Variants in NRG4 observed in about 807,000 individuals in gnomAD.
The protein encoded by NRG4 is neuregulin 4.
A neutral mutation model predicts 15.0 loss-of-function variants in NRG4; 10 were observed. The ratio of observed to expected loss-of-function variants is 0.67; its 90% confidence interval spans 0.41 to 1.13. The LOEUF (loss-of-function observed/expected upper bound fraction) is 1.13, where lower values mean the gene tolerates loss of function less well. Ranked by LOEUF, NRG4 falls within the 50% of genes most tolerant of loss-of-function variation. The pLI, the probability that NRG4 is intolerant of heterozygous loss-of-function variation, is 0.00. For synonymous variants in NRG4, 41 were observed against 50.1 expected (o/e 0.82, Z 0.77); for missense variants, 139 against 140.2 (o/e 0.99, Z 0.04).
At chr15:76,016,661 T>C (rs982587911), upstream of NRG4, among the ~76,000 whole-genome samples, 1 of 152,222 alleles carries the variant, frequency 6.6e-6, no homozygotes, top group African/African-American at 2.4e-5. Context: ...GTGAGTTTCT[T>C]AATCCTGAGT....
intron 5 of NRG4, among the ~76,000 whole-genome samples, chr15:75,951,852 C>T (rs371020381): frequency 2.0e-5 from 3 of 152,176 alleles, no homozygotes; most frequent in Non-Finnish European, 2.9e-5. Context: ...TTAAATAATA[C>T]GAGAAAGATC....
At chr15:76,037,137 G>A (rs911240978) in intron 4 of NRG4, among the ~76,000 whole-genome samples, 2 of 152,148 alleles carry the variant, frequency 1.3e-5, no homozygotes, top group Non-Finnish European at 2.9e-5. Context: ...CTCGAGGGAT[G>A]GAGCAAGATG....
chr15:75,947,217 T>C (rs1461567224), intron 5 of NRG4, among the ~76,000 whole-genome samples: 1 of 152,144 alleles, frequency 6.6e-6, no homozygotes, highest in African/African-American at 2.4e-5. Context: ...AAAAAACACT[T>C]CCCTGAGGAG....
chr15:76,006,726 G>T (rs886451210), intron 3 of NRG4, among the ~76,000 whole-genome samples: 9 of 152,142 alleles, frequency 5.9e-5, no homozygotes, highest in Non-Finnish European at 1.2e-4. Flanking sequence ...TTTTACACCT[G>T]GTGTGGGTTG....
intron 4 of NRG4, among the ~76,000 whole-genome samples, chr15:76,042,889 C>T (rs1400713556): frequency 6.6e-6 from 1 of 152,014 alleles, no homozygotes; most frequent in African/African-American, 2.4e-5. Flanking sequence ...CGGGTTAACA[C>T]TCATGCAAAA....
chr15:76,057,938 T>C (rs2036193379), intron 1 of NRG4, among the ~76,000 whole-genome samples: 1 of 151,984 alleles, frequency 6.6e-6, no homozygotes, highest in Admixed American at 6.6e-5. Context: ...AAAATTTTAT[T>C]AGGATACAAA....
rs571491613 is a variant in NRG4, at chr15:76,058,386, G to T, written c.-328+1269C>A. On this transcript the variant is annotated intron_variant, in intron 1 of 8. Transcript: ENST00000563910. ...AGATTAGAGATGAGTAGGAAATGCT[G>T]AAAGGCGAAGGAGGATCTGAAGAAA... Among the ~76,000 whole-genome samples, 3 of 152,290 alleles carry T rather than the reference G, an allele frequency of 2.0e-5. No homozygotes were observed. In the South Asian group the frequency reaches 6.2e-4, roughly 32 times the overall value.
At chr15:75,979,092 T>C (rs1461556051) in intron 3 of NRG4, among the ~76,000 whole-genome samples, 1 of 152,224 alleles carries the variant, frequency 6.6e-6, no homozygotes. Flanking sequence ...CTCTGTTGGC[T>C]GTTCCTTTGC....
At chr15:76,005,444 G>C (rs1278840104) in intron 3 of NRG4, among the ~76,000 whole-genome samples, 1 of 50 alleles carries the variant, frequency 0.02, no homozygotes, top group Non-Finnish European at 0.056. Flanking sequence ...CAGCACTTTG[G>C]GAAGCCCGAG....
chr15:75,938,094 T>C (rs1243193179), downstream of NRG4: 1 of 152,204 alleles, frequency 6.6e-6, no homozygotes, highest in South Asian at 2.1e-4. Context: ...AAAGTAAGTA[T>C]TGAAGGATTA....
At chr15:75,960,736 G>C (rs1438147032) in intron 4 of NRG4, among the ~76,000 whole-genome samples, 2 of 152,138 alleles carry the variant, frequency 1.3e-5, no homozygotes, top group Non-Finnish European at 1.5e-5. Flanking sequence ...TGATGGATGA[G>C]TGGCAAGGTC....
At chr15:76,003,412 TAAAG>T (rs2034484196) in intron 3 of NRG4, among the ~76,000 whole-genome samples, 1 of 151,708 alleles carries the variant, frequency 6.6e-6, no homozygotes. Context: ...GAAAAAAGAT[TAAAG>T]AAAGTGAACA....
At chr15:76,054,631 TCTCAAACTCCAGAC>T (rs2036110355) in intron 2 of NRG4, among the ~76,000 whole-genome samples, 2 of 152,154 alleles carry the variant, frequency 1.3e-5, no homozygotes, top group East Asian at 3.8e-4. Context: ...GCCAGGCTGG[TCTCAAACTCCAGAC>T]CTCAGGTCAG....
chr15:75,991,383 T>C (rs1023089028), intron 3 of NRG4, among the ~76,000 whole-genome samples: 2 of 152,184 alleles, frequency 1.3e-5, no homozygotes, highest in Non-Finnish European at 2.9e-5. Flanking sequence ...AAACTACTAC[T>C]AACATCATAC....
At chr15:76,000,302 TAA>T in intron 3 of NRG4, among the ~76,000 whole-genome samples, 1 of 152,154 alleles carries the variant, frequency 6.6e-6, no homozygotes, top group African/African-American at 2.4e-5. Flanking sequence ...ATAAGCTAGG[TAA>T]AAGGAAAAAT....
At chr15:75,952,130 C>A (rs1426754457) in intron 5 of NRG4, among the ~76,000 whole-genome samples, 16 of 152,106 alleles carry the variant, frequency 1.1e-4, no homozygotes, top group Admixed American at 9.8e-4. Flanking sequence ...TTGTACAATT[C>A]AATGGCTTTT....
chr15:75,953,113 T>C (rs1409119996), intron 5 of NRG4, among the ~76,000 whole-genome samples: 6 of 152,216 alleles, frequency 3.9e-5, no homozygotes, highest in Non-Finnish European at 8.8e-5. Flanking sequence ...GTCATGAAGA[T>C]TGACACCTAT....
chr15:75,945,592 A>T (rs1028955009), intron 5 of NRG4, among the ~76,000 whole-genome samples: 3 of 152,320 alleles, frequency 2.0e-5, no homozygotes, highest in Admixed American at 1.3e-4. Context: ...AACAAAAGAC[A>T]TGCTTTTACT....
intron 5 of NRG4, among the ~76,000 whole-genome samples, chr15:75,946,165 TTCA>T (rs1485608975): frequency 2.0e-5 from 3 of 152,136 alleles, no homozygotes; most frequent in East Asian, 1.9e-4. Context: ...AGCGGGAGAT[TTCA>T]TCATGTTGCT....
Sources: allele counts gnomAD v4.1 joint callset (sites outside exome capture counted in the v4.1 genomes callset), GRCh38; gene constraint gnomAD v4.1.1; transcripts MANE v1.5; gene names NCBI Gene and HGNC (gene_info 2026-07-23, HGNC 2026-07-21).